The following MYH9 variants were observed in gnomAD, a reference collection of about 807,000 sequenced individuals.
The protein encoded by MYH9 is myosin heavy chain 9, also known as myosin-9.
Under a neutral mutation model 241.9 loss-of-function variants are expected in MYH9, and 29 were observed. The ratio of observed to expected loss-of-function variants is 0.12; its 90% CI spans 0.09 to 0.16. The LOEUF is 0.16. Ranked by LOEUF, MYH9 falls within the 10% of genes least tolerant of loss-of-function variation. The probability of loss-of-function intolerance (pLI) is 1.00; values close to 1 mark genes in which losing one functional copy is unlikely to be tolerated. For missense variants in MYH9, 1,803 were observed against 2,595.5 expected (o/e 0.69, Z 6.63); for synonymous variants, 1,047 against 1,062.6 (o/e 0.99, Z 0.29).
intron 1 of MYH9, among the ~76,000 whole-genome samples, chr22:36,385,616 G>A (rs1260709190): frequency 6.6e-6 from 1 of 152,090 alleles, no homozygotes. Flanking sequence ...CTACCCTCCT[G>A]AACCTTTCAG....
intron 14 of MYH9, 53 bp from the exon 15 acceptor site, chr22:36,309,449 T>C: frequency 7.4e-7 from 1 of 1,358,550 alleles, no homozygotes; most frequent in Non-Finnish European, 1.1e-6. Context: ...ACATGTGTGC[T>C]CACAGGGTCT....
In MYH9 at chr22:36,316,422, G is replaced by A. The variant is rs116702103; in HGVS notation, c.1380+95C>T. 494 of 1,575,204 alleles carry A rather than the reference G, an allele frequency of 3.1e-4. 2 individuals are homozygous for A. The African/African-American group carries it at 5.0e-3, about 16-fold the overall frequency. On this transcript the variant is annotated intron_variant, in intron 12 of 40. Coordinates refer to ENST00000216181, the MANE Select transcript of MYH9 (RefSeq NM_002473.6). ...GCAAAGGAGATGGCCAACTCAGATC[G>A]ATGCAGGACCATGAGAAGCAGGGTT...
At chr22:36,314,070 C>T (rs1347860309) in intron 13 of MYH9, 75 bp downstream of exon 13, 9 of 1,522,740 alleles carry the variant, frequency 5.9e-6, no homozygotes, top group African/African-American at 1.4e-5. Flanking sequence ...CAACACAGAG[C>T]TGAGGTGAGG....
In MYH9 at chr22:36,285,168, G is replaced by C. The variant is rs767212143; in HGVS notation, c.5436C>G (p.Leu1812=). ...CCTCCAGCTGTGCAATCTTGGCCTC[G>C]AGGGCGGTGATGGAGGCCTTGTACT... ...KSKYKASITA[L]EAKIAQLEEQ... Residue 1812 remains leucine, a synonymous_variant, in exon 38 of 41, where the codon CTC becomes CTG. Coordinates refer to ENST00000216181, the MANE Select transcript of MYH9 (RefSeq NM_002473.6). This position sits in a 1 kb window ranked among gnomAD's most constrained non-coding sequence, Gnocchi z 7.0. 1.2e-6 allele frequency: 2 copies of C among 1,614,004 alleles called. No homozygotes were observed. The highest frequency in any genetic ancestry group is 1.3e-5 in the African/African-American group (1 of 74,902).
At chr22:36,317,466 AG>A (rs1313583978) in intron 11 of MYH9, among the ~76,000 whole-genome samples, 1 of 152,230 alleles carries the variant, frequency 6.6e-6, no homozygotes, top group Non-Finnish European at 1.5e-5. Context: ...AACAGGTGGC[AG>A]GAATAATACG....
At chr22:36,347,638 G>T (rs1483180574) in intron 2 of MYH9, among the ~76,000 whole-genome samples, 1 of 151,976 alleles carries the variant, frequency 6.6e-6, no homozygotes, top group Non-Finnish European at 1.5e-5. Context: ...GAGAGGCTAA[G>T]GTGGGAGGAT....
chr22:36,294,927 C>G lies in MYH9; in HGVS notation c.3630+5G>C. The G allele has an allele frequency of 6.2e-7, 1 of 1,612,238 alleles. No individual in the cohort carries two copies. The highest frequency in any genetic ancestry group is 8.5e-7 in the Non-Finnish European group (1 of 1,179,998). On this transcript the variant is annotated splice_donor_5th_base_variant and intron_variant, in intron 27 of 40. Transcript: ENST00000216181. ...TCCCCCTGCGGTCTCAGGGAGGCTCCGCACCCGCTTCGTCTGCTCCAGCTG... is the reference window on the plus strand; with the variant it reads ...TCCCCCTGCGGTCTCAGGGAGGCTCGGCACCCGCTTCGTCTGCTCCAGCTG...
At position 36,288,300 on chromosome 22, in the gene MYH9, C is replaced by T. The variant is rs1195487106; in HGVS notation, c.4884G>A (p.Ser1628=). The T allele has an allele frequency of 9.3e-6, 15 of 1,614,008 alleles. No individual in the cohort carries two copies. The highest frequency in any genetic ancestry group is 3.3e-5 in the Admixed American group (2 of 60,006). ...TGGCTTCGTCCCGGTTCTTGTTGGCCGAGTCGATGTGCGCCTCCAGGTCCT... is the reference window on the plus strand; with the variant it reads ...TGGCTTCGTCCCGGTTCTTGTTGGCTGAGTCGATGTGCGCCTCCAGGTCCT... ...DLKDLEAHID[S]ANKNRDEAIK... is the part of the protein sequence containing the mutation. The change falls in exon 34 of 41, where the codon TCG becomes TCA. Residue 1628 remains serine, a synonymous_variant. Transcript: ENST00000216181. This position sits in a 1 kb window ranked among gnomAD's most constrained non-coding sequence, Gnocchi z 4.8.
chr22:36,315,400 G>GT (rs2017134020), intron 12 of MYH9, among the ~76,000 whole-genome samples: 1 of 152,104 alleles, frequency 6.6e-6, no homozygotes, highest in African/African-American at 2.4e-5. Context: ...CTAATCTACT[G>GT]TAAGTATCGG....
chr22:36,304,268 C>G, intron 18 of MYH9, 113 bp from the exon 19 acceptor site: 1 of 1,163,082 alleles, frequency 8.6e-7, no homozygotes, highest in Non-Finnish European at 1.3e-6. Flanking sequence ...CACTGGCTGA[C>G]GAGCATCTGG....
intron 19 of MYH9, 102 bp downstream of exon 19, chr22:36,303,893 C>T (rs2016928106): frequency 1.4e-6 from 2 of 1,392,016 alleles, no homozygotes; most frequent in Admixed American, 1.9e-5. Flanking sequence ...CCCTGACAGG[C>T]ATGTGACTGG....
intron 1 of MYH9, among the ~76,000 whole-genome samples, chr22:36,368,010 C>T (rs2018036653): frequency 6.6e-6 from 1 of 151,962 alleles, no homozygotes; most frequent in Non-Finnish European, 1.5e-5. Context: ...TACAAACACA[C>T]ACACACACAT....
intron 31 of MYH9, among the ~76,000 whole-genome samples, chr22:36,291,364 G>A (rs570231522): frequency 1.3e-5 from 2 of 152,256 alleles, no homozygotes; most frequent in Admixed American, 6.5e-5. Flanking sequence ...GGATCTTGTT[G>A]ATCTGTGACC....
Position 36,292,133 on chromosome 22 carries a change from C to T in MYH9, c.4197G>A (p.Gln1399=), listed in dbSNP as rs1306330470. 2 of 1,614,096 alleles carry T rather than the reference C, an allele frequency of 1.2e-6. No individual in the cohort carries two copies. Among genetic ancestry groups the T allele is most frequent in the East Asian group, 2.2e-5 (1 of 44,900 alleles). ...KLQKDLEGLS[Q]RHEEKVAAYD... ...AGGCGGCCACCTTCTCCTCGTGCCG[C>T]TGGCTCAGGCCCTCCAGGTCCTTCT... The change falls in exon 31 of 41, where the codon CAG becomes CAA. Residue 1399 remains glutamine (Q), a synonymous_variant. Coordinates refer to ENST00000216181, the MANE Select transcript of MYH9 (RefSeq NM_002473.6).
intron 34 of MYH9, among the ~76,000 whole-genome samples, chr22:36,287,989 T>C (rs937054733): frequency 6.6e-6 from 1 of 152,210 alleles, no homozygotes. Context: ...ACTCCACCCA[T>C]GTCTAGGCTT....
intron 20 of MYH9, 105 bp downstream of exon 20, chr22:36,302,463 C>G: frequency 4.0e-6 from 4 of 1,006,970 alleles, no homozygotes; most frequent in Non-Finnish European, 6.1e-6. Context: ...ACCTGGGCGA[C>G]ATGGTGAGAC....
chr22:36,308,152 T>C (rs906189838), intron 15 of MYH9, among the ~76,000 whole-genome samples: 4 of 152,134 alleles, frequency 2.6e-5, no homozygotes, highest in Admixed American at 2.6e-4. Context: ...CACAGCAGTG[T>C]GCATACCTGA....
chr22:36,322,926 C>G (rs2017278705), intron 5 of MYH9, among the ~76,000 whole-genome samples: 1 of 152,238 alleles, frequency 6.6e-6, no homozygotes, highest in African/African-American at 2.4e-5. Flanking sequence ...CTAATCCTCA[C>G]ATTTTTATTC....
chr22:36,361,793 G>C lies in MYH9; in HGVS notation c.-19-12538C>G, dbSNP rs140999800. Among the ~76,000 whole-genome samples, 905 of 152,302 alleles carry C rather than the reference G, an allele frequency of 5.9e-3. 3 individuals are homozygous for C. The highest frequency in any genetic ancestry group is 1.0e-2 in the Non-Finnish European group (677 of 68,036). ...TTGTATTTTAAAGTAATTGGCTGGG[G>C]GTGTACGGTGGCTCACGCCTGTAAT... On this transcript the variant is annotated intron_variant, in intron 1 of 40. Coordinates refer to ENST00000216181, the MANE Select transcript of MYH9 (RefSeq NM_002473.6).
Sources: gnomAD v4.1 joint callset for allele counts (sites outside exome capture counted in the v4.1 genomes callset) on GRCh38, gnomAD v4.1.1 for gene constraint, Gnocchi (gnomAD v3.1) non-coding constraint, MANE v1.5 for transcripts, NCBI Gene and HGNC (gene_info 2026-07-23, HGNC 2026-07-21) for gene names.